Variants in RPL27A observed in about 807,000 individuals in gnomAD.
RPL27A encodes the protein large ribosomal subunit protein uL15.
For missense variants in RPL27A, 118 were observed against 189.4 expected (o/e 0.62, Z 2.21); for synonymous variants, 69 against 68.3 (o/e 1.01, Z -0.05).
chr11:8,683,561 A>G, intron 2 of RPL27A: 4 of 535,324 alleles, frequency 7.5e-6, no homozygotes, highest in Non-Finnish European at 1.0e-5. Flanking sequence ...AAGTAATCGC[A>G]TTGCTGAAAA....
rs2039597577 is a variant in RPL27A at position 8,687,403 on chromosome 11, A to ACC, written c.*1597_*1598insCC. 4.0e-5 allele frequency: 2 copies of ACC among 50,094 alleles called. No homozygotes were observed. The highest frequency in any genetic ancestry group is 2.0e-4 in the Admixed American group (1 of 4,910). The allele number at this position is 50,094 out of a possible 1,614,324, so 3.1% of individuals were successfully genotyped here. On this transcript the variant is annotated 3_prime_UTR_variant, in exon 5 of 5. Transcript: ENST00000314138. ...GTGAAACTCTGTCCACCCCCCCCAA[A>ACC]AAAAGTAAGGGCTCTCCATTAGGGC...
In RPL27A at chr11:8,684,713, C is replaced by T; in HGVS notation, c.144-5C>T. 6.2e-7 allele frequency: 1 copy of T among 1,613,736 alleles called. No homozygotes were observed. Among genetic ancestry groups the T allele is most frequent in the Non-Finnish European group, 8.5e-7 (1 of 1,179,678 alleles). ...TGTATGAAGGTGGTTGTTACCTCTTCCTAGCCACCCAGGCTACTTTGGGAA... is the reference window on the plus strand; with the variant it reads ...TGTATGAAGGTGGTTGTTACCTCTTTCTAGCCACCCAGGCTACTTTGGGAA... On this transcript the variant is annotated splice_polypyrimidine_tract_variant and splice_region_variant and intron_variant, in intron 3 of 4. Coordinates refer to ENST00000314138, the MANE Select transcript of RPL27A (RefSeq NM_000990.5).
chr11:8,684,654 TA>T, intron 3 of RPL27A, 63 bp from the exon 4 acceptor site: 1 of 1,421,676 alleles, frequency 7.0e-7, no homozygotes, highest in Non-Finnish European at 9.9e-7. Flanking sequence ...GTGGTAACTA[TA>T]AAGATGATAA....
rs925717835 is a variant in RPL27A, at chr11:8,689,117, C to T, written c.*3311C>T. 3.9e-5 allele frequency: 6 copies of T among 152,260 alleles called. No homozygotes were observed. The highest frequency in any genetic ancestry group is 9.6e-5 in the African/African-American group (4 of 41,478). The allele number at this position is 152,260 out of a possible 1,614,324, so 9.4% of individuals were successfully genotyped here. ...TGGTGCGCGAGCGCAGATAACTCCC[C>T]TGGAGAGGCGGGATGTTCAACTCCA... On this transcript the variant is annotated 3_prime_UTR_variant, in exon 5 of 5. Transcript: ENST00000314138.
At position 8,684,859 on chromosome 11, in the gene RPL27A, T is replaced by G. The variant is rs4670; in HGVS notation, c.285T>G (p.Thr95=). The G allele has an allele frequency of 0.092, 148,477 of 1,613,832 alleles. 8,024 individuals are homozygous for G. The highest frequency in any genetic ancestry group is 0.22 in the African/African-American group (16,573 of 74,982). ...GGGTGAATGCTGCTAAAAACAAGACTGGGGCTGCTCCCATCATTGATGTGG... is the reference window on the plus strand; with the variant it reads ...GGGTGAATGCTGCTAAAAACAAGACGGGGGCTGCTCCCATCATTGATGTGG... ...QTRVNAAKNK[T]GAAPIIDVVR... Residue 95 remains threonine, a synonymous_variant, in exon 4 of 5, where the codon ACT becomes ACG. Transcript: ENST00000314138.
rs562282613 is a variant in RPL27A, at chr11:8,684,852, A to G, written c.278A>G (p.Asn93Ser). 1.5e-5 allele frequency: 24 copies of G among 1,614,158 alleles called. 1 individual carries two copies. In the South Asian group the frequency reaches 2.0e-4, roughly 13 times the overall value. The change falls in exon 4 of 5, where the codon AAC (asparagine) becomes AGC (serine). Residue 93 changes from asparagine to serine, a missense_variant. By Grantham distance (46) the Asn-to-Ser change is conservative. Transcript: ENST00000314138. ...CAGACACGGGTGAATGCTGCTAAAA[A>G]CAAGACTGGGGCTGCTCCCATCATT... ...SEQTRVNAAK[N>S]KTGAAPIIDV...
In RPL27A at chr11:8,689,815, T is replaced by C. The variant is rs2039622230; in HGVS notation, c.*4009T>C. 1 of 152,246 alleles carries C rather than the reference T, an allele frequency of 6.6e-6. No individual in the cohort carries two copies. Among genetic ancestry groups the C allele is most frequent in the African/African-American group, 2.4e-5 (1 of 41,464 alleles). The allele number at this position is 152,246 out of a possible 1,614,324, so 9.4% of individuals were successfully genotyped here. A position where few individuals can be genotyped will look rare whatever the true frequency, so the allele number is the denominator to read the frequency against. ...TGTGTATCCCTGTAAGTCATTTTGGTATAAAGTAGGTTATAAGTGTACATG... is the reference window on the plus strand; with the variant it reads ...TGTGTATCCCTGTAAGTCATTTTGGCATAAAGTAGGTTATAAGTGTACATG... On this transcript the variant is annotated 3_prime_UTR_variant, in exon 5 of 5. Coordinates refer to ENST00000314138, the MANE Select transcript of RPL27A (RefSeq NM_000990.5).
Position 8,682,798 on chromosome 11 carries a change from C to T in RPL27A, c.-16C>T, listed in dbSNP as rs200718713. Reference sequence around the variant, plus strand: ...AGACTTGGCGAAGGCCTTCCTTTTTCGTCTGGGCTGCCAACATGGTAGGTG... The same window carrying T: ...AGACTTGGCGAAGGCCTTCCTTTTTTGTCTGGGCTGCCAACATGGTAGGTG... On this transcript the variant is annotated 5_prime_UTR_variant, in exon 1 of 5. Transcript: ENST00000314138. 1.9e-5 allele frequency: 31 copies of T among 1,613,426 alleles called. 1 individual carries two copies. The highest frequency in any genetic ancestry group is 8.8e-5 in the South Asian group (8 of 91,062).
Position 8,689,055 on chromosome 11 carries a change from T to A in RPL27A, c.*3249T>A, listed in dbSNP as rs1327875563. 1 of 152,268 alleles carries A rather than the reference T, an allele frequency of 6.6e-6. No individual in the cohort carries two copies. Among genetic ancestry groups the A allele is most frequent in the Non-Finnish European group, 1.5e-5 (1 of 68,066 alleles). 9.4% of individuals were successfully genotyped at this position (152,268 alleles called of 1,614,324 possible). On this transcript the variant is annotated 3_prime_UTR_variant, in exon 5 of 5. Coordinates refer to ENST00000314138, the MANE Select transcript of RPL27A (RefSeq NM_000990.5). ...GGAAGAAGCCCGGCGGAGACCGGCC[T>A]CGCTCGGCCACTTCCGGCAAGGGCG...
At chr11:8,685,191 A>G (rs1565592269) in intron 4 of RPL27A, 1 of 471,296 alleles carries the variant, frequency 2.1e-6, no homozygotes, top group South Asian at 2.1e-5. Flanking sequence ...ACTCAGTGCC[A>G]TGCATTATCT....
intron 4 of RPL27A, 184 bp from the exon 5 acceptor site, chr11:8,685,494 C>T (rs368224476): frequency 1.5e-5 from 11 of 750,280 alleles, no homozygotes; most frequent in African/African-American, 6.8e-5. Context: ...CTAGAGTACT[C>T]GAAGAGAATC....
chr11:8,685,641 T>C, intron 4 of RPL27A, 37 bp from the exon 5 acceptor site: 1 of 1,612,424 alleles, frequency 6.2e-7, no homozygotes, highest in Non-Finnish European at 8.5e-7. Context: ...TGGTACCTAC[T>C]ACAGTGTATT....
rs1592236838 is a variant in RPL27A, at chr11:8,684,471, G to A, written c.144-247G>A. The stretch of plus-strand genomic sequence containing the variant: ...GTGCTGTTATGTGACTTGAATTTTA[G>A]TCTCGGCCCTGCCTCTGACATTGTC... On this transcript the variant is annotated intron_variant, in intron 3 of 4. Transcript: ENST00000314138. The A allele has an allele frequency of 5.8e-6, 4 of 689,372 alleles. No homozygotes were observed. In the East Asian group the frequency reaches 1.0e-4, roughly 18 times the overall value. The allele number at this position is 689,372 out of a possible 1,614,324, so 42.7% of individuals were successfully genotyped here.
In RPL27A at chr11:8,685,023, TATC is replaced by T; in HGVS notation, c.318+134_318+136del. 6 of 914,426 alleles carry T rather than the reference TATC, an allele frequency of 6.6e-6. No individual in the cohort carries two copies. The South Asian group carries it at 8.7e-5, about 13-fold the overall frequency. The allele number at this position is 914,426 out of a possible 1,614,324, so 56.6% of individuals were successfully genotyped here. On this transcript the variant is annotated intron_variant, in intron 4 of 4. Transcript: ENST00000314138. ...ATTGATATTCTTCCTGTGGTAGAAT[TATC>T]ATAGGTAGTTCCCTATCCGTAGCAG...
intron 4 of RPL27A, 30 bp downstream of exon 4, chr11:8,684,922 C>G (rs953037145): frequency 5.0e-6 from 8 of 1,605,010 alleles, no homozygotes; most frequent in Non-Finnish European, 6.8e-6. Context: ...TTCTGTACTT[C>G]CATACCTTCC....
Position 8,685,042 on chromosome 11 carries a change from T to C in RPL27A, c.318+150T>C, listed in dbSNP as rs1401357674. ...TAGAATTATCATAGGTAGTTCCCTA[T>C]CCGTAGCAGTGCCTACTGTCACTGC... On this transcript the variant is annotated intron_variant, in intron 4 of 4. Transcript: ENST00000314138. 6.4e-6 allele frequency: 5 copies of C among 776,120 alleles called. No homozygotes were observed. In the East Asian group the frequency reaches 1.3e-4, roughly 20 times the overall value. The allele number at this position is 776,120 out of a possible 1,614,324, so 48.1% of individuals were successfully genotyped here.
In RPL27A at chr11:8,688,869, C is replaced by G. The variant is rs1186766272; in HGVS notation, c.*3063C>G. ...GCGGGCGGAAGCTGTGCAGCGCCCA[C>G]CTGGTGGCTCCATCGGCCGCGTTCA... On this transcript the variant is annotated 3_prime_UTR_variant, in exon 5 of 5. Transcript: ENST00000314138. 1 of 152,310 alleles carries G rather than the reference C, an allele frequency of 6.6e-6. No homozygotes were observed. Among genetic ancestry groups the G allele is most frequent in the Non-Finnish European group, 1.5e-5 (1 of 68,078 alleles). 9.4% of individuals were successfully genotyped at this position (152,310 alleles called of 1,614,324 possible). A position where few individuals can be genotyped will look rare whatever the true frequency, so the allele number is the denominator to read the frequency against.
At chr11:8,683,051 C>T (rs1419514251) in intron 1 of RPL27A, 151 bp from the exon 2 acceptor site, 3 of 897,908 alleles carry the variant, frequency 3.3e-6, no homozygotes, top group Non-Finnish European at 3.5e-6. Context: ...GGTGAGACCT[C>T]ACGGCCCTGA....
rs1379966942 is a variant in RPL27A, at chr11:8,689,294, T to C, written c.*3488T>C. ...GGGAACCTCCAGAATTTGTCTCAAT[T>C]GTCTAAAAGGTAATGAGCGTCAGCG... On this transcript the variant is annotated 3_prime_UTR_variant, in exon 5 of 5. Coordinates refer to ENST00000314138, the MANE Select transcript of RPL27A (RefSeq NM_000990.5). 6.6e-6 allele frequency: 1 copy of C among 152,224 alleles called. No homozygotes were observed. The highest frequency in any genetic ancestry group is 1.5e-5 in the Non-Finnish European group (1 of 68,054). The allele number at this position is 152,224 out of a possible 1,614,324, so 9.4% of individuals were successfully genotyped here. A position where few individuals can be genotyped will look rare whatever the true frequency, so the allele number is the denominator to read the frequency against.
Sources: allele counts gnomAD v4.1 joint callset, GRCh38; gene constraint gnomAD v4.1.1; transcripts MANE v1.5; gene names NCBI Gene and HGNC (gene_info 2026-07-23, HGNC 2026-07-21).